Variants in ARID2 observed in about 807,000 individuals in gnomAD.
ARID2 encodes AT-rich interactive domain-containing protein 2.
In ARID2, 32 loss-of-function variants were observed where a neutral mutation model predicts 184.6. The ratio of observed to expected loss-of-function variants is 0.17; its 90% CI spans 0.13 to 0.23. The LOEUF (loss-of-function observed/expected upper bound fraction) is 0.23. Ranked by LOEUF, ARID2 falls within the 10% of genes least tolerant of loss-of-function variation. The probability of loss-of-function intolerance (pLI) is 1.00; values close to 1 mark genes in which losing one functional copy is unlikely to be tolerated. For missense variants in ARID2, 1,696 were observed against 2,197.6 expected, an observed-to-expected ratio of 0.77 and a Z score of 4.56; for synonymous variants, 836 against 772.6, an observed-to-expected ratio of 1.08 and a Z score of -1.36.
chr12:45,754,520 T>C (rs1017285690), intron 3 of ARID2, among the ~76,000 whole-genome samples: 2 of 152,278 alleles, frequency 1.3e-5, no homozygotes, highest in African/African-American at 4.8e-5. Context: ...TGCCTTTGCA[T>C]GTGCCATTTT....
chr12:45,837,141 A>C lies in ARID2; in HGVS notation c.1023+150A>C, dbSNP rs141722266. On this transcript the variant is annotated intron_variant, in intron 8 of 20. Coordinates refer to ENST00000334344, the MANE Select transcript of ARID2 (RefSeq NM_152641.4). Reference sequence around the variant, plus strand: ...CTAAAAATGGTGATGTAGAAGTATCACATACTTTTATGGAAAAAAGTATTT... The same window carrying C: ...CTAAAAATGGTGATGTAGAAGTATCCCATACTTTTATGGAAAAAAGTATTT... The C allele has an allele frequency of 3.1e-4, 382 of 1,213,130 alleles. 2 individuals are homozygous for C. The African/African-American group carries it at 5.3e-3, about 17-fold the overall frequency. 75.1% of individuals were successfully genotyped at this position (1,213,130 alleles called of 1,614,324 possible). A position where few individuals can be genotyped will look rare whatever the true frequency, so the allele number is the denominator to read the frequency against.
intron 16 of ARID2, among the ~76,000 whole-genome samples, chr12:45,885,145 T>C (rs978460917): frequency 2.6e-5 from 4 of 151,722 alleles, no homozygotes; most frequent in Middle Eastern, 3.2e-3. Context: ...TGTTGGTATA[T>C]TTTTTCCCCA....
At chr12:45,731,341 A>G in intron 3 of ARID2, 27 bp downstream of exon 3, 1 of 1,523,180 alleles carries the variant, frequency 6.6e-7, no homozygotes, top group Non-Finnish European at 9.1e-7. Context: ...TTTCCATAGT[A>G]TTTGGAAATA....
Position 45,811,553 on chromosome 12 carries a change from TA to T in ARID2, c.418+5del. ...ATTACCAGCAACACAGTGTGTCGGG[TA>T]AATATCACTGCAAATTAACAGGATA... On this transcript the variant is annotated splice_donor_region_variant and intron_variant, in intron 4 of 20. Coordinates refer to ENST00000334344, the MANE Select transcript of ARID2 (RefSeq NM_152641.4). 6.2e-7 allele frequency: 1 copy of T among 1,611,218 alleles called. No homozygotes were observed. Among genetic ancestry groups the T allele is most frequent in the Non-Finnish European group, 8.5e-7 (1 of 1,178,888 alleles).
chr12:45,898,780 G>A (rs1944403386), intron 20 of ARID2, among the ~76,000 whole-genome samples: 1 of 152,106 alleles, frequency 6.6e-6, no homozygotes, highest in African/African-American at 2.4e-5. Context: ...AGCTGGGCAT[G>A]GTGGCGCATG....
chr12:45,886,448 C>A (rs1177885065), intron 16 of ARID2, among the ~76,000 whole-genome samples: 2 of 152,184 alleles, frequency 1.3e-5, no homozygotes, highest in Admixed American at 6.5e-5. Context: ...ACAGTGCAAG[C>A]TGTTCATTTA....
chr12:45,821,593 A>G, intron 6 of ARID2, 106 bp downstream of exon 6: 5 of 571,712 alleles, frequency 8.7e-6, no homozygotes, highest in Non-Finnish European at 1.4e-5. Flanking sequence ...CTATACTTTT[A>G]TCTTTACCTA....
At chr12:45,751,841 A>G (rs530378306) in intron 3 of ARID2, among the ~76,000 whole-genome samples, 79 of 152,226 alleles carry the variant, frequency 5.2e-4, no homozygotes, top group Non-Finnish European at 9.8e-4. Flanking sequence ...ATATGATATT[A>G]TAATCTTATG....
At chr12:45,888,202 A>C (rs1031137371) in intron 16 of ARID2, among the ~76,000 whole-genome samples, 7 of 152,108 alleles carry the variant, frequency 4.6e-5, no homozygotes, top group Admixed American at 6.5e-5. Context: ...CTCAAAAAAA[A>C]AAAAAAAGCT....
At chr12:45,766,579 T>C (rs375197813) in intron 3 of ARID2, among the ~76,000 whole-genome samples, 1 of 151,072 alleles carries the variant, frequency 6.6e-6, no homozygotes, top group Non-Finnish European at 1.5e-5. Context: ...AGTGGCGCAA[T>C]CTTGGCTCAC....
intron 3 of ARID2, among the ~76,000 whole-genome samples, chr12:45,782,146 A>G (rs1230151551): frequency 6.6e-6 from 1 of 152,180 alleles, no homozygotes; most frequent in African/African-American, 2.4e-5. Context: ...ATAAATTGAA[A>G]TTGTGGAATT....
At chr12:45,741,836 A>T (rs574885309) in intron 3 of ARID2, among the ~76,000 whole-genome samples, 1 of 152,172 alleles carries the variant, frequency 6.6e-6, no homozygotes, top group East Asian at 1.9e-4. Flanking sequence ...GCTCATTGCT[A>T]CTGGGTTATT....
chr12:45,734,231 T>A (rs938000535), intron 3 of ARID2, among the ~76,000 whole-genome samples: 1 of 152,154 alleles, frequency 6.6e-6, no homozygotes, highest in Non-Finnish European at 1.5e-5. Context: ...TAGCCTGGCA[T>A]GGTGGCTCAT....
rs535894339 is a variant in ARID2 at position 45,897,763 on chromosome 12, T to C, written c.5363+4042T>C. Among the ~76,000 whole-genome samples, 271 of 152,294 alleles carry C rather than the reference T, an allele frequency of 1.8e-3. 2 individuals are homozygous for C. Among genetic ancestry groups the C allele is most frequent in the African/African-American group, 6.4e-3 (265 of 41,568 alleles). ...TGTGGCATGTACATGCAATGGAATA[T>C]TACTCAGTATTACAAAGGAAAAAAC... On this transcript the variant is annotated intron_variant, in intron 20 of 20. Transcript: ENST00000334344.
At chr12:45,827,072 G>A (rs1943015815) in intron 6 of ARID2, among the ~76,000 whole-genome samples, 1 of 151,690 alleles carries the variant, frequency 6.6e-6, no homozygotes, top group African/African-American at 2.4e-5. Context: ...TACCTGGGAT[G>A]TACGTACTCA....
At chr12:45,898,880 C>G (rs990411807) in intron 20 of ARID2, among the ~76,000 whole-genome samples, 2 of 151,822 alleles carry the variant, frequency 1.3e-5, no homozygotes, top group African/African-American at 4.8e-5. Flanking sequence ...TGCCACTGTA[C>G]TCCAGCCTGT....
chr12:45,737,398 G>C (rs966741077), intron 3 of ARID2, among the ~76,000 whole-genome samples: 1 of 151,730 alleles, frequency 6.6e-6, no homozygotes, highest in Non-Finnish European at 1.5e-5. Flanking sequence ...TGGAGTAAAG[G>C]GGTCAATTTG....
At position 45,835,684 on chromosome 12, in the gene ARID2, A is replaced by G. The variant is rs372771071; in HGVS notation, c.706-905A>G. ...TGGGAGGCAGAGGCAGGCGGATCAC[A>G]AGGTCAAGAGATTGAGACCATCCTG... On this transcript the variant is annotated intron_variant, in intron 6 of 20. Coordinates refer to ENST00000334344, the MANE Select transcript of ARID2 (RefSeq NM_152641.4). Among the ~76,000 whole-genome samples the G allele has an allele frequency of 9.3e-3, 1,416 of 152,144 alleles. 22 individuals are homozygous for G. The highest frequency in any genetic ancestry group is 0.067 in the South Asian group (323 of 4,816).
At chr12:45,749,645 T>C (rs563705087) in intron 3 of ARID2, among the ~76,000 whole-genome samples, 2 of 152,358 alleles carry the variant, frequency 1.3e-5, no homozygotes, top group South Asian at 4.1e-4. Flanking sequence ...ATCTGTTGTT[T>C]AGTGTAGCCA....
Sources: gnomAD v4.1 joint callset for allele counts (sites outside exome capture counted in the v4.1 genomes callset) on GRCh38, gnomAD v4.1.1 for gene constraint, MANE v1.5 for transcripts, NCBI Gene and HGNC (gene_info 2026-07-23, HGNC 2026-07-21) for gene names.